Variants in MICAL1 observed in about 807,000 individuals in gnomAD.
MICAL1 encodes the protein [F-actin]-monooxygenase MICAL1.
In MICAL1, 95 loss-of-function variants were observed where a neutral mutation model predicts 131.8. The ratio of observed to expected loss-of-function variants is 0.72; its 90% CI spans 0.61 to 0.86. The LOEUF (loss-of-function observed/expected upper bound fraction) is 0.86, where lower values mean the gene tolerates loss of function less well. Ranked by LOEUF, MICAL1 falls within the 40% of genes least tolerant of loss-of-function variation. MICAL1 has a pLI of 0.00. For synonymous variants in MICAL1, 546 were observed against 554.2 expected, an observed-to-expected ratio of 0.99 and a Z score of 0.21; for missense variants, 1,292 against 1,380.6, an observed-to-expected ratio of 0.94 and a Z score of 1.02.
In MICAL1 at chr6:109,447,314, G is replaced by C. The variant is rs777060610; in HGVS notation, c.2070+43C>G. On this transcript the variant is annotated intron_variant, in intron 16 of 24. Transcript: ENST00000358807. ...CCCTCCCATGAAACGCCCCTGCCCT[G>C]CCCTCCCCGGGCCTCTGCCTGCACA... The C allele has an allele frequency of 1.4e-5, 22 of 1,612,938 alleles. No homozygotes were observed. The South Asian group carries it at 2.2e-4, about 16-fold the overall frequency.
At chr6:109,450,598 G>A (rs1285004411) in intron 7 of MICAL1, 41 bp from the exon 8 acceptor site, 4 of 1,569,656 alleles carry the variant, frequency 2.5e-6, no homozygotes, top group Non-Finnish European at 3.5e-6. Flanking sequence ...ACCTCTGAGA[G>A]CAGGGTCAGT....
At chr6:109,451,466 A>T in intron 7 of MICAL1, 134 bp downstream of exon 7, 1 of 1,050,620 alleles carries the variant, frequency 9.5e-7, no homozygotes, top group Non-Finnish European at 1.3e-6. Context: ...GAGAACTTTT[A>T]GAGGTGAAGT....
intron 11 of MICAL1, 76 bp from the exon 12 acceptor site, chr6:109,448,955 G>C: frequency 6.4e-7 from 1 of 1,574,716 alleles, no homozygotes; most frequent in South Asian, 1.1e-5. Context: ...GCTGCTGCAT[G>C]TGGGGGTTCT....
intron 8 of MICAL1, 69 bp downstream of exon 8, chr6:109,450,231 A>T: frequency 6.4e-7 from 1 of 1,569,492 alleles, no homozygotes; most frequent in African/African-American, 1.4e-5. Context: ...AGACCTTTTT[A>T]TCCCCTCCTC....
intron 12 of MICAL1, 110 bp from the exon 13 acceptor site, chr6:109,448,503 A>C (rs1003691021): frequency 6.6e-6 from 9 of 1,355,382 alleles, no homozygotes; most frequent in Non-Finnish European, 9.3e-6. Context: ...GGGTACAAGA[A>C]GGCTTGAAGG....
At chr6:109,461,869 T>A (rs1775895660) in intron 1 of MICAL1, among the ~76,000 whole-genome samples, 1 of 152,206 alleles carries the variant, frequency 6.6e-6, no homozygotes, top group Non-Finnish European at 1.5e-5. Flanking sequence ...TACCACTTAC[T>A]GTATGACATT....
chr6:109,454,141 T>C lies in MICAL1; in HGVS notation c.56A>G (p.Gln19Arg). 3 of 1,612,832 alleles carry C rather than the reference T, an allele frequency of 1.9e-6. No homozygotes were observed. The highest frequency in any genetic ancestry group is 2.5e-6 in the Non-Finnish European group (3 of 1,179,646). The part of the protein sequence containing the change: ...PAHAHFESFL[Q>R]AQLCQDVLSS... Reference sequence around the variant, plus strand: ...CAGCACGTCCTGGCACAGCTGGGCCTGCAGGAAGCTCTCAAAGTGGGCATG... The same window carrying C: ...CAGCACGTCCTGGCACAGCTGGGCCCGCAGGAAGCTCTCAAAGTGGGCATG... The change falls in exon 2 of 25, where the codon CAG becomes CGG. Residue 19 changes from glutamine (Q) to arginine (R), a missense_variant. Gln to Arg is a conservative substitution (Grantham distance 43). Transcript: ENST00000358807.
At chr6:109,445,641 A>G (rs1775179722) in intron 20 of MICAL1, 112 bp from the exon 21 acceptor site, 8 of 1,508,796 alleles carry the variant, frequency 5.3e-6, no homozygotes, top group Non-Finnish European at 6.4e-6. Context: ...GCTCTGGTAG[A>G]AAAGGTAGAG....
Position 109,446,979 on chromosome 6 carries a change from C to T in MICAL1, c.2227+94G>A, listed in dbSNP as rs1357344873. ...AGGAGAACGAAGTGCCATCTTGAGC[C>T]TGTTTCCATCCTGTGCCTCTCTACC... On this transcript the variant is annotated intron_variant, in intron 17 of 24. Coordinates refer to ENST00000358807, the MANE Select transcript of MICAL1 (RefSeq NM_022765.4). 1.0e-5 allele frequency: 15 copies of T among 1,479,344 alleles called. No homozygotes were observed. The East Asian group carries it at 3.3e-4, about 33-fold the overall frequency. 91.6% of individuals were successfully genotyped at this position (1,479,344 alleles called of 1,614,324 possible).
chr6:109,453,207 C>G, intron 4 of MICAL1, 56 bp downstream of exon 4: 1 of 1,429,174 alleles, frequency 7.0e-7, no homozygotes, highest in Non-Finnish European at 9.9e-7. Flanking sequence ...TTTTCAGACA[C>G]TGGCCAAGTT....
At chr6:109,447,519 G>A (rs1775287173) in intron 15 of MICAL1, 79 bp from the exon 16 acceptor site, 2 of 1,534,390 alleles carry the variant, frequency 1.3e-6, no homozygotes, top group Non-Finnish European at 1.8e-6. Context: ...TGAACACAAG[G>A]GGCTGAAGGG....
rs765492673 is a variant in MICAL1, at chr6:109,444,745, C to G, written c.3035G>C (p.Arg1012Pro). Reference sequence around the variant, plus strand: ...CCTACCTTCCCGGTTCATGTAGCCTCGTAGCTCCTGGTCCAGCTGCCACTG... The same window carrying G: ...CCTACCTTCCCGGTTCATGTAGCCTGGTAGCTCCTGGTCCAGCTGCCACTG... ...EKQWQLDQEL[R>P]GYMNREENLK... The change falls in exon 24 of 25, where the codon CGA (arginine) becomes CCA (proline). Residue 1012 changes from arginine to proline, a missense_variant. By Grantham distance (103) the Arg-to-Pro change is moderately radical. Coordinates refer to ENST00000358807, the MANE Select transcript of MICAL1 (RefSeq NM_022765.4). 2 of 1,614,112 alleles carry G rather than the reference C, an allele frequency of 1.2e-6. No individual in the cohort carries two copies. Among genetic ancestry groups the G allele is most frequent in the Non-Finnish European group, 1.7e-6 (2 of 1,180,020 alleles).
At chr6:109,454,352 T>C in intron 1 of MICAL1, 113 bp from the exon 2 acceptor site, 1 of 1,030,190 alleles carries the variant, frequency 9.7e-7, no homozygotes, top group Non-Finnish European at 1.4e-6. Context: ...TCACCAGTGA[T>C]TGGCTCTGCT....
rs1775723006 is a variant in MICAL1, at chr6:109,455,756, G to T, written c.-81C>A. 1 of 978,194 alleles carries T rather than the reference G, an allele frequency of 1.0e-6. No homozygotes were observed. The highest frequency in any genetic ancestry group is 1.2e-4 in the East Asian group (1 of 8,240). 60.6% of individuals were successfully genotyped at this position (978,194 alleles called of 1,614,324 possible). On this transcript the variant is annotated 5_prime_UTR_variant, in exon 1 of 25. Coordinates refer to ENST00000358807, the MANE Select transcript of MICAL1 (RefSeq NM_022765.4). This position sits in a 1 kb window ranked among gnomAD's most constrained non-coding sequence, Gnocchi z 4.7. Reference sequence around the variant, plus strand: ...AGCCGGGAGGGGCCGCTTCCTGTTGGGCTGGCAACCAGGTCTGAGCGGGTG... The same window carrying T: ...AGCCGGGAGGGGCCGCTTCCTGTTGTGCTGGCAACCAGGTCTGAGCGGGTG...
chr6:109,457,444 G>A (rs945103305), upstream of MICAL1, among the ~76,000 whole-genome samples: 3 of 152,114 alleles, frequency 2.0e-5, no homozygotes, highest in Admixed American at 6.5e-5. Context: ...GGCATTATAC[G>A]AAGCTATGTC....
exon 1 of MICAL1, chr6:109,465,697 G>A (rs781297546): frequency 7.5e-6 from 12 of 1,602,488 alleles, no homozygotes; most frequent in Non-Finnish European, 1.7e-6. Flanking sequence ...TTGCTACCTG[G>A]ATGGAGGGCA....
chr6:109,453,302 C>G lies in MICAL1; in HGVS notation c.532G>C (p.Gly178Arg). The G allele has an allele frequency of 6.2e-7, 1 of 1,614,086 alleles. No individual in the cohort carries two copies. ...ALLLGVEIHW[G>R]VTFTGLQPPP... The stretch of plus-strand genomic sequence containing the variant: ...GGCTGGAGGCCAGTGAAAGTGACAC[C>G]CCAGTGAATTTCCACCCCCAGCAGC... Residue 178 changes from glycine (G) to arginine (R), a missense_variant, in exon 4 of 25, where the codon GGT becomes CGT. Transcript: ENST00000358807.
At chr6:109,460,845 A>T (rs1464149295) in intron 1 of MICAL1, among the ~76,000 whole-genome samples, 2 of 152,144 alleles carry the variant, frequency 1.3e-5, no homozygotes, top group Admixed American at 6.5e-5. Flanking sequence ...CCTACCCTAA[A>T]CTTAAAATAT....
At chr6:109,447,654 G>C (rs771707488) in intron 15 of MICAL1, 27 bp downstream of exon 15, 3 of 1,612,376 alleles carry the variant, frequency 1.9e-6, no homozygotes, top group Non-Finnish European at 2.5e-6. Flanking sequence ...TGGGGTAGGA[G>C]ACCGACCCGC....
Sources: gnomAD v4.1 joint callset for allele counts (sites outside exome capture counted in the v4.1 genomes callset) on GRCh38, gnomAD v4.1.1 for gene constraint, Gnocchi (gnomAD v3.1) non-coding constraint, MANE v1.5 for transcripts, NCBI Gene and HGNC (gene_info 2026-07-23, HGNC 2026-07-21) for gene names.